Variants in SLC25A48 observed in about 807,000 individuals in gnomAD.
The protein encoded by SLC25A48 is solute carrier family 25 member 48.
SLC25A48 carries 29 observed loss-of-function variants against 32.2 expected under a neutral mutation model. The observed-to-expected ratio is 0.90, with a 90% CI of 0.67 to 1.23. The LOEUF (loss-of-function observed/expected upper bound fraction) is 1.23. SLC25A48 is among the 50% of genes most tolerant of loss of function. The pLI is 0.00. For missense variants in SLC25A48, 399 were observed against 422.7 expected (o/e 0.94, Z 0.49); for synonymous variants, 164 against 172.3 (o/e 0.95, Z 0.38).
intron 3 of SLC25A48, among the ~76,000 whole-genome samples, chr5:135,774,554 AT>A (rs1756498762): frequency 6.6e-6 from 1 of 151,810 alleles, no homozygotes; most frequent in Non-Finnish European, 1.5e-5. Flanking sequence ...GAGGGAGAGA[AT>A]GATATTACTC....
At chr5:135,812,215 A>G (rs759596170) in intron 3 of SLC25A48, among the ~76,000 whole-genome samples, 1 of 152,192 alleles carries the variant, frequency 6.6e-6, no homozygotes, top group Non-Finnish European at 1.5e-5. Context: ...TATGGGGTAC[A>G]TGAGATATTT....
chr5:135,593,688 AG>A (rs5871565), intron 1 of SLC25A48, among the ~76,000 whole-genome samples: 6,319 of 152,286 alleles, frequency 0.041, 445 homozygotes, highest in African/African-American at 0.14. Context: ...GGCTTTGAGG[AG>A]TAGTCCCTAC....
chr5:135,603,569 G>T (rs900042491), intron 1 of SLC25A48, among the ~76,000 whole-genome samples: 2 of 152,186 alleles, frequency 1.3e-5, no homozygotes, highest in African/African-American at 4.8e-5. Flanking sequence ...TGGTGGTGGG[G>T]GGGTGCGAGC....
chr5:135,696,769 C>G (rs1310013396), intron 3 of SLC25A48, among the ~76,000 whole-genome samples: 2 of 152,180 alleles, frequency 1.3e-5, no homozygotes, highest in South Asian at 2.1e-4. Context: ...TCAGGGCTAG[C>G]CTGGGTCTTC....
intron 6 of SLC25A48, among the ~76,000 whole-genome samples, chr5:135,879,607 AGAGAGTGTGT>A (rs1168905505): frequency 9.3e-5 from 13 of 139,222 alleles, no homozygotes; most frequent in African/African-American, 3.4e-4. Context: ...AGAGAGAGAG[AGAGAGTGTGT>A]GTGTGTGTGT....
intron 3 of SLC25A48, among the ~76,000 whole-genome samples, chr5:135,731,567 T>A (rs1042070731): frequency 1.3e-5 from 2 of 152,180 alleles, no homozygotes; most frequent in Non-Finnish European, 2.9e-5. Context: ...GAAGATTTTG[T>A]GGTAAGGGCA....
intron 3 of SLC25A48, among the ~76,000 whole-genome samples, chr5:135,790,987 T>C (rs966697984): frequency 2.5e-5 from 2 of 80,296 alleles, no homozygotes; most frequent in African/African-American, 6.2e-5. Flanking sequence ...ATTATTTGTA[T>C]AATTACGGGG....
chr5:135,693,752 G>A (rs570071127), intron 3 of SLC25A48, among the ~76,000 whole-genome samples: 46 of 152,302 alleles, frequency 3.0e-4, no homozygotes, highest in African/African-American at 1.1e-3. Flanking sequence ...ATCTGCCATG[G>A]GAAAAAGGAG....
chr5:135,642,238 G>C (rs1280621693), intron 3 of SLC25A48, among the ~76,000 whole-genome samples: 1 of 152,230 alleles, frequency 6.6e-6, no homozygotes, highest in African/African-American at 2.4e-5. Flanking sequence ...TTTAGAGGGA[G>C]GCTTCTCTGA....
chr5:135,701,896 A>G (rs1754403925), intron 3 of SLC25A48, among the ~76,000 whole-genome samples: 1 of 152,234 alleles, frequency 6.6e-6, no homozygotes, highest in African/African-American at 2.4e-5. Flanking sequence ...TAATCTGACC[A>G]TGTCACTCTT....
At chr5:135,869,560 G>A (rs1336877223) in intron 4 of SLC25A48, among the ~76,000 whole-genome samples, 1 of 152,202 alleles carries the variant, frequency 6.6e-6, no homozygotes, top group Non-Finnish European at 1.5e-5. Flanking sequence ...TTTACCCATA[G>A]TTGCTTCATG....
chr5:135,600,012 C>T (rs548123236), intron 1 of SLC25A48, among the ~76,000 whole-genome samples: 4 of 152,194 alleles, frequency 2.6e-5, no homozygotes, highest in African/African-American at 9.6e-5. Context: ...CATACTCCCC[C>T]CTCCCTTGGC....
intron 1 of SLC25A48, among the ~76,000 whole-genome samples, chr5:135,604,246 C>T (rs1751877212): frequency 6.6e-6 from 1 of 152,160 alleles, no homozygotes; most frequent in African/African-American, 2.4e-5. Context: ...ACTGCATGAA[C>T]AAGTAAATGA....
chr5:135,756,455 CCT>C (rs1156910851), intron 3 of SLC25A48, among the ~76,000 whole-genome samples: 1 of 151,944 alleles, frequency 6.6e-6, no homozygotes, highest in African/African-American at 2.4e-5. Flanking sequence ...GGGTGGATCA[CCT>C]GGGGTCAGGA....
chr5:135,863,227 T>C lies in SLC25A48; in HGVS notation c.422-8234T>C, dbSNP rs1324999780. Among the ~76,000 whole-genome samples, 4 of 152,268 alleles carry C rather than the reference T, an allele frequency of 2.6e-5. No individual in the cohort carries two copies. The South Asian group carries it at 6.2e-4, about 24-fold the overall frequency. On this transcript the variant is annotated intron_variant, in intron 4 of 7. Transcript: ENST00000681962. The stretch of plus-strand genomic sequence containing the variant: ...GGAACCCCCCACACAGGGAATTAAG[T>C]AGCAAATGAAACATCTAAGACGGTT...
intron 1 of SLC25A48, among the ~76,000 whole-genome samples, chr5:135,602,922 G>A (rs1031572414): frequency 6.6e-5 from 10 of 152,118 alleles, no homozygotes; most frequent in African/African-American, 2.4e-4. Context: ...TTCTCTGCTG[G>A]TCTCAGTTAC....
At chr5:135,605,869 AG>A (rs1305464184) in intron 1 of SLC25A48, among the ~76,000 whole-genome samples, 5 of 152,220 alleles carry the variant, frequency 3.3e-5, no homozygotes, top group African/African-American at 1.2e-4. Context: ...TGGCTTGGGA[AG>A]GTATTGTCAA....
intron 3 of SLC25A48, among the ~76,000 whole-genome samples, chr5:135,803,492 G>A (rs531064306): frequency 6.6e-6 from 1 of 151,768 alleles, no homozygotes; most frequent in South Asian, 2.1e-4. Context: ...TAGTTGGTGT[G>A]CACCCTGTGA....
At chr5:135,700,371 C>CAAAAAAAAAAA (rs34125451) in intron 3 of SLC25A48, among the ~76,000 whole-genome samples, 28 of 67,794 alleles carry the variant, frequency 4.1e-4, no homozygotes, top group Admixed American at 6.2e-4. Context: ...GACTCTGTCT[C>CAAAAAAAAAAA]AAAAAAAAAA....
Sources: gnomAD v4.1 joint callset for allele counts (sites outside exome capture counted in the v4.1 genomes callset) on GRCh38, gnomAD v4.1.1 for gene constraint, MANE v1.5 for transcripts, NCBI Gene and HGNC (gene_info 2026-07-23, HGNC 2026-07-21) for gene names.